Variants in PIK3C2G observed in about 807,000 individuals in gnomAD.
The protein encoded by PIK3C2G is phosphatidylinositol 3-kinase C2 domain-containing subunit gamma.
PIK3C2G carries 168 observed loss-of-function variants against 181.1 expected under a neutral mutation model. That is an observed-to-expected ratio of 0.93 (90% CI 0.82 to 1.05). PIK3C2G has a LOEUF of 1.05. Ranked by LOEUF, PIK3C2G falls within the 50% of genes least tolerant of loss-of-function variation. The probability of loss-of-function intolerance (pLI) is 0.00; values close to 1 mark genes in which losing one functional copy is unlikely to be tolerated. For missense variants in PIK3C2G, 1,869 were observed against 1,732.8 expected (o/e 1.08, Z -1.40); for synonymous variants, 573 against 592.2 (o/e 0.97, Z 0.47).
intron 18 of PIK3C2G, among the ~76,000 whole-genome samples, chr12:18,472,266 TTAAAATCATCACA>T (rs1349796082): frequency 2.6e-5 from 4 of 152,222 alleles, no homozygotes; most frequent in Admixed American, 6.5e-5. Flanking sequence ...TATCTTTATG[TTAAAATCATCACA>T]TCTTAGAAAG....
the PIK3C2G span, among the ~76,000 whole-genome samples, chr12:18,709,810 T>C: frequency 3.9e-5 from 6 of 152,182 alleles, no homozygotes; most frequent in Admixed American, 3.9e-4. Context: ...GGATATCTTT[T>C]CACGTATTTG....
At chr12:18,350,283 T>C (rs1486413191) in intron 11 of PIK3C2G, among the ~76,000 whole-genome samples, 1 of 152,086 alleles carries the variant, frequency 6.6e-6, no homozygotes, top group African/African-American at 2.4e-5. Flanking sequence ...AGATTATAAG[T>C]AAGTCAGTAA....
chr12:18,724,641 T>A, the PIK3C2G span, among the ~76,000 whole-genome samples: 1 of 152,086 alleles, frequency 6.6e-6, no homozygotes, highest in African/African-American at 2.4e-5. Flanking sequence ...AAGTAATTCA[T>A]GCGTATTGTT....
chr12:18,429,228 A>T (rs763232681), intron 18 of PIK3C2G, among the ~76,000 whole-genome samples: 16 of 152,112 alleles, frequency 1.1e-4, no homozygotes, highest in Non-Finnish European at 1.8e-4. Context: ...CAAGCCAAGG[A>T]ATGCCTAGAG....
intron 9 of PIK3C2G, among the ~76,000 whole-genome samples, chr12:18,340,278 GA>G (rs1939005423): frequency 6.6e-6 from 1 of 150,556 alleles, no homozygotes; most frequent in South Asian, 2.1e-4. Context: ...AACAATAGCT[GA>G]TAGGCTAAAA....
the PIK3C2G span, among the ~76,000 whole-genome samples, chr12:18,698,179 C>T: frequency 6.6e-6 from 1 of 151,998 alleles, no homozygotes. Flanking sequence ...ATCCAACTCA[C>T]ATGCACGATG....
chr12:18,246,294 C>T (rs1251429247), upstream of PIK3C2G, among the ~76,000 whole-genome samples: 1 of 152,068 alleles, frequency 6.6e-6, no homozygotes, highest in Non-Finnish European at 1.5e-5. Flanking sequence ...GGGATCAAAA[C>T]TTAACTACAT....
At chr12:18,468,931 T>C (rs1363314699) in intron 18 of PIK3C2G, among the ~76,000 whole-genome samples, 1 of 152,032 alleles carries the variant, frequency 6.6e-6, no homozygotes, top group African/African-American at 2.4e-5. Context: ...TGGTTAATGG[T>C]GAGTAATGCA....
rs181270366 is a variant in PIK3C2G at position 18,601,712 on chromosome 12, G to C, written c.4087+7143G>C. ...CAAATTACCAATGTCATTTTTCACAGAGTTTGAAAAAACTATTCTAAAATT... is the reference window on the plus strand; with the variant it reads ...CAAATTACCAATGTCATTTTTCACACAGTTTGAAAAAACTATTCTAAAATT... On this transcript the variant is annotated intron_variant, in intron 30 of 32. Coordinates refer to ENST00000538779, the MANE Select transcript of PIK3C2G (RefSeq NM_001288772.2). 3.9e-5 allele frequency among the ~76,000 whole-genome samples: 6 copies of C among 152,078 alleles called. No individual in the cohort carries two copies. In the East Asian group the frequency reaches 1.2e-3, roughly 29 times the overall value.
intron 1 of PIK3C2G, among the ~76,000 whole-genome samples, chr12:18,264,566 C>T (rs993931593): frequency 8.5e-5 from 13 of 152,058 alleles, no homozygotes; most frequent in African/African-American, 2.7e-4. Context: ...GCTGAGATCA[C>T]GTTGGCTTCC....
chr12:18,657,061 G>GATCCCAAAA, the PIK3C2G span, among the ~76,000 whole-genome samples: 7 of 151,984 alleles, frequency 4.6e-5, no homozygotes, highest in Non-Finnish European at 1.0e-4. Context: ...CTTGGCTAGT[G>GATCCCAAAA]ATCCCAAAAA....
intron 24 of PIK3C2G, among the ~76,000 whole-genome samples, chr12:18,534,625 T>C (rs111717377): frequency 2.6e-5 from 4 of 151,888 alleles, no homozygotes; most frequent in African/African-American, 9.7e-5. Context: ...TTTCTGATGT[T>C]AAGACTATAT....
intron 11 of PIK3C2G, among the ~76,000 whole-genome samples, chr12:18,361,351 C>T (rs114923941): frequency 0.011 from 1,617 of 152,046 alleles, 18 homozygotes; most frequent in African/African-American, 0.037. Context: ...GTATTTTGAA[C>T]TATTTGTCAT....
At chr12:18,323,038 GCACCTTTTAAGT>G (rs1225854355) in intron 7 of PIK3C2G, among the ~76,000 whole-genome samples, 1 of 152,136 alleles carries the variant, frequency 6.6e-6, no homozygotes, top group East Asian at 1.9e-4. Context: ...GAGGGTTGTT[GCACCTTTTAAGT>G]CACTGCTACC....
At chr12:18,269,053 G>A (rs1948633547) in intron 1 of PIK3C2G, among the ~76,000 whole-genome samples, 2 of 151,950 alleles carry the variant, frequency 1.3e-5, no homozygotes, top group Non-Finnish European at 2.9e-5. Context: ...TGGGATTACA[G>A]CCGTGCACCA....
chr12:18,704,876 AC>A, the PIK3C2G span, among the ~76,000 whole-genome samples: 5 of 152,268 alleles, frequency 3.3e-5, no homozygotes, highest in East Asian at 9.6e-4. Context: ...TGTAAAACAT[AC>A]TAAATTTCTG....
chr12:18,591,131 ATC>A (rs1947054176), intron 29 of PIK3C2G, among the ~76,000 whole-genome samples: 1 of 151,950 alleles, frequency 6.6e-6, no homozygotes, highest in Admixed American at 6.6e-5. Context: ...TGACTCTGTC[ATC>A]TCCTTGAATA....
At chr12:18,568,396 GT>G (rs1444215839) in intron 29 of PIK3C2G, among the ~76,000 whole-genome samples, 1 of 151,602 alleles carries the variant, frequency 6.6e-6, no homozygotes, top group Non-Finnish European at 1.5e-5. Flanking sequence ...GTGTGTGTGT[GT>G]GTGTGTGTGT....
chr12:18,367,047 C>A (rs1423505979), intron 12 of PIK3C2G, among the ~76,000 whole-genome samples: 4 of 151,930 alleles, frequency 2.6e-5, no homozygotes, highest in African/African-American at 9.7e-5. Context: ...ATAAAAAAAG[C>A]TCACTAACAA....
Sources: allele counts gnomAD v4.1 joint callset (sites outside exome capture counted in the v4.1 genomes callset), GRCh38; gene constraint gnomAD v4.1.1; transcripts MANE v1.5; gene names NCBI Gene and HGNC (gene_info 2026-07-23, HGNC 2026-07-21).